The following PDE11A variants were observed in gnomAD, a reference collection of about 807,000 sequenced individuals.
The protein encoded by PDE11A is phosphodiesterase 11A.
A neutral mutation model predicts 100.5 loss-of-function variants in PDE11A; 100 were observed. That is an observed-to-expected ratio of 1.00 (90% CI 0.85 to 1.18). The LOEUF is 1.18. PDE11A is among the 50% of genes most tolerant of loss of function. The pLI is 0.00. For missense variants in PDE11A, 1,141 were observed against 1,152.6 expected (o/e 0.99, Z 0.15); for synonymous variants, 381 against 420.8 (o/e 0.91, Z 1.16).
At chr2:178,084,376 T>G (rs1218164023) in intron 2 of PDE11A, among the ~76,000 whole-genome samples, 1 of 152,250 alleles carries the variant, frequency 6.6e-6, no homozygotes, top group Non-Finnish European at 1.5e-5. Flanking sequence ...ATAATCTCAG[T>G]TATCTAATTT....
chr2:177,831,810 A>T (rs1181633393), intron 6 of PDE11A, among the ~76,000 whole-genome samples: 1 of 152,232 alleles, frequency 6.6e-6, no homozygotes, highest in Non-Finnish European at 1.5e-5. Context: ...TTTGAAGTTT[A>T]TCTATTACTT....
chr2:177,775,756 C>G (rs1010688101), intron 9 of PDE11A, among the ~76,000 whole-genome samples: 1 of 152,228 alleles, frequency 6.6e-6, no homozygotes, highest in African/African-American at 2.4e-5. Flanking sequence ...AATGTCACCC[C>G]TTCAGTGACT....
intron 2 of PDE11A, among the ~76,000 whole-genome samples, chr2:177,933,251 C>T (rs1036981277): frequency 2.0e-5 from 3 of 152,140 alleles, no homozygotes; most frequent in Admixed American, 6.5e-5. Flanking sequence ...GGCCATATTG[C>T]TCAAAGCAAT....
chr2:178,003,823 A>C (rs1268566783), intron 2 of PDE11A, among the ~76,000 whole-genome samples: 2 of 152,204 alleles, frequency 1.3e-5, no homozygotes, highest in Admixed American at 6.5e-5. Flanking sequence ...CAGATATCGG[A>C]TCATTTTTGA....
chr2:178,016,079 C>T (rs565197151), intron 1 of PDE11A, among the ~76,000 whole-genome samples: 32 of 151,714 alleles, frequency 2.1e-4, no homozygotes, highest in Middle Eastern at 3.4e-3. Context: ...ATTCTCCTGC[C>T]TCATCCTCCC....
At chr2:177,734,259 T>C (rs1156355011) in intron 10 of PDE11A, among the ~76,000 whole-genome samples, 2 of 152,158 alleles carry the variant, frequency 1.3e-5, no homozygotes, top group African/African-American at 2.4e-5. Context: ...TTTGTGTTGA[T>C]TGTAGCTAAC....
At chr2:177,749,582 T>C (rs1006586497) in intron 10 of PDE11A, among the ~76,000 whole-genome samples, 1 of 152,154 alleles carries the variant, frequency 6.6e-6, no homozygotes, top group Non-Finnish European at 1.5e-5. Flanking sequence ...CGGTGGGCCA[T>C]ACTCCAGCCA....
intron 2 of PDE11A, among the ~76,000 whole-genome samples, chr2:177,944,540 T>G (rs1340372340): frequency 6.6e-6 from 1 of 152,246 alleles, no homozygotes; most frequent in East Asian, 1.9e-4. Flanking sequence ...TTAGGTTGCT[T>G]CACATTCTTT....
intron 19 of PDE11A, among the ~76,000 whole-genome samples, chr2:177,629,974 C>T (rs2079894109): frequency 6.6e-6 from 1 of 152,162 alleles, no homozygotes. Context: ...CAAAATAATC[C>T]TACAATTGCT....
intron 2 of PDE11A, among the ~76,000 whole-genome samples, chr2:177,958,261 G>A (rs961684031): frequency 6.6e-6 from 1 of 152,054 alleles, no homozygotes; most frequent in African/African-American, 2.4e-5. Context: ...TTTCTCCTCA[G>A]TACATAAAAG....
intron 6 of PDE11A, among the ~76,000 whole-genome samples, chr2:177,822,575 C>T (rs2083157386): frequency 6.6e-6 from 1 of 152,028 alleles, no homozygotes; most frequent in Non-Finnish European, 1.5e-5. Context: ...TATTTTTGAC[C>T]TCTGGCATTT....
At chr2:177,820,059 C>G (rs996847734) in intron 7 of PDE11A, among the ~76,000 whole-genome samples, 161 bp downstream of exon 7, 2 of 151,824 alleles carry the variant, frequency 1.3e-5, no homozygotes, top group Non-Finnish European at 2.9e-5. Flanking sequence ...AATGTTGATT[C>G]ATTAGGAGCC....
chr2:178,039,191 T>C (rs1487757334), intron 1 of PDE11A, among the ~76,000 whole-genome samples: 2 of 152,208 alleles, frequency 1.3e-5, no homozygotes, highest in African/African-American at 4.8e-5. Flanking sequence ...ATGGATACTA[T>C]GCAGCCATAA....
chr2:177,773,215 T>C (rs1369435447), intron 9 of PDE11A, among the ~76,000 whole-genome samples: 1 of 152,126 alleles, frequency 6.6e-6, no homozygotes, highest in East Asian at 1.9e-4. Flanking sequence ...GGTTTCACTA[T>C]GTGGCCCAGG....
chr2:177,819,862 CTCTCTT>C (rs1275922898), intron 7 of PDE11A, among the ~76,000 whole-genome samples: 10 of 50,866 alleles, frequency 2.0e-4, no homozygotes, highest in South Asian at 8.7e-4. Flanking sequence ...TTCTCTCTTT[CTCTCTT>C]TCTCTCTCTC....
At chr2:177,710,144 C>T (rs1244489028) in intron 13 of PDE11A, among the ~76,000 whole-genome samples, 1 of 151,536 alleles carries the variant, frequency 6.6e-6, no homozygotes, top group Non-Finnish European at 1.5e-5. Context: ...GGCACAAAGT[C>T]CCAGAGGAGA....
At chr2:178,022,946 T>G (rs1439713509) in intron 1 of PDE11A, among the ~76,000 whole-genome samples, 1 of 152,274 alleles carries the variant, frequency 6.6e-6, no homozygotes, top group Non-Finnish European at 1.5e-5. Context: ...CAACTGCTCT[T>G]GAGAAGTGCA....
chr2:177,714,050 G>C (rs2081399511), intron 12 of PDE11A, among the ~76,000 whole-genome samples: 1 of 129,754 alleles, frequency 7.7e-6, no homozygotes, highest in African/African-American at 2.9e-5. Flanking sequence ...CTGGAGTGCA[G>C]TGGCGCGATC....
intron 12 of PDE11A, among the ~76,000 whole-genome samples, chr2:177,719,636 G>C (rs1307541632): frequency 6.6e-5 from 10 of 152,090 alleles, no homozygotes; most frequent in African/African-American, 2.4e-4. Context: ...TCGTGCCTTT[G>C]CTGATCTATA....
Sources: allele counts gnomAD v4.1 joint callset (sites outside exome capture counted in the v4.1 genomes callset), GRCh38; gene constraint gnomAD v4.1.1; transcripts MANE v1.5; gene names NCBI Gene and HGNC (gene_info 2026-07-23, HGNC 2026-07-21).